The following NXPH2 variants were observed in gnomAD, a reference collection of about 807,000 sequenced individuals.
NXPH2 encodes neurexophilin 2, also known as neurexophilin-2.
A neutral mutation model predicts 19.8 loss-of-function variants in NXPH2; 5 were observed. That is an observed-to-expected ratio of 0.25 (90% confidence interval 0.13 to 0.53). NXPH2 has a LOEUF of 0.53. NXPH2 is among the 20% of genes least tolerant of loss of function. NXPH2 has a pLI of 0.96. For synonymous variants in NXPH2, 154 were observed against 127.4 expected, an observed-to-expected ratio of 1.21 and a Z score of -1.41; for missense variants, 289 against 322.8, an observed-to-expected ratio of 0.90 and a Z score of 0.80.
intron 1 of NXPH2, among the ~76,000 whole-genome samples, chr2:138,676,012 T>TA (rs796280114): frequency 5.3e-5 from 8 of 152,112 alleles, no homozygotes; most frequent in African/African-American, 1.9e-4. Flanking sequence ...CACTTTTTTT[T>TA]AAAATTTGGC....
intron 1 of NXPH2, among the ~76,000 whole-genome samples, chr2:138,687,168 A>G (rs984383460): frequency 1.2e-4 from 18 of 152,226 alleles, no homozygotes; most frequent in African/African-American, 4.3e-4. Context: ...CAGTCCCACC[A>G]ACAGTGTAAA....
At chr2:138,698,829 G>A (rs1680873269) in intron 1 of NXPH2, among the ~76,000 whole-genome samples, 1 of 152,152 alleles carries the variant, frequency 6.6e-6, no homozygotes, top group African/African-American at 2.4e-5. Flanking sequence ...ACTCCAGCCT[G>A]GGAGACAAAG....
chr2:138,756,705 T>C (rs1681915376), intron 1 of NXPH2, among the ~76,000 whole-genome samples: 1 of 152,150 alleles, frequency 6.6e-6, no homozygotes, highest in African/African-American at 2.4e-5. Context: ...ATAGCAACTC[T>C]ATTGGCAGAA....
intron 1 of NXPH2, among the ~76,000 whole-genome samples, chr2:138,744,640 G>A (rs1278038420): frequency 6.6e-6 from 1 of 152,112 alleles, no homozygotes; most frequent in Non-Finnish European, 1.5e-5. Flanking sequence ...GGTGCTCCAA[G>A]CCTTCTTCCT....
chr2:138,728,732 T>C (rs1025929677), intron 1 of NXPH2, among the ~76,000 whole-genome samples: 5 of 152,182 alleles, frequency 3.3e-5, no homozygotes, highest in African/African-American at 1.2e-4. Flanking sequence ...TGATAAAAAG[T>C]TTGACATTAT....
chr2:138,685,932 T>C (rs1248980413), intron 1 of NXPH2, among the ~76,000 whole-genome samples: 1 of 152,198 alleles, frequency 6.6e-6, no homozygotes, highest in Non-Finnish European at 1.5e-5. Flanking sequence ...TCCTCTTGTA[T>C]ATTCCTTGAT....
chr2:138,694,878 T>A (rs115188804), intron 1 of NXPH2, among the ~76,000 whole-genome samples: 3,176 of 152,268 alleles, frequency 0.021, 50 homozygotes, highest in Non-Finnish European at 0.033. Context: ...CTATTGCAAG[T>A]GTTTGGAGCA....
intron 1 of NXPH2, among the ~76,000 whole-genome samples, chr2:138,732,129 T>G (rs1681462164): frequency 6.6e-6 from 1 of 152,214 alleles, no homozygotes; most frequent in South Asian, 2.1e-4. Flanking sequence ...AAATCCACAG[T>G]ATGTCAAGTT....
At chr2:138,671,799 C>A (rs1680421455) in intron 1 of NXPH2, 134 bp from the exon 2 acceptor site, 3 of 867,348 alleles carry the variant, frequency 3.5e-6, no homozygotes, top group South Asian at 4.3e-5. Context: ...ACACACACAG[C>A]CGGGCTCAAC....
intron 1 of NXPH2, among the ~76,000 whole-genome samples, chr2:138,740,088 A>G (rs1205229824): frequency 1.3e-5 from 2 of 152,150 alleles, no homozygotes; most frequent in Non-Finnish European, 2.9e-5. Context: ...AGACACACGC[A>G]GACTGGCCCA....
chr2:138,721,267 G>A (rs1681275066), intron 1 of NXPH2, among the ~76,000 whole-genome samples: 2 of 151,970 alleles, frequency 1.3e-5, no homozygotes, highest in Middle Eastern at 3.2e-3. Context: ...CTTGAACCCG[G>A]GAAGTGGAGG....
rs1429001393 is a variant in NXPH2 at position 138,696,903 on chromosome 2, T to G, written c.52-25238A>C. The stretch of plus-strand genomic sequence containing the variant: ...GATAATTAAATAATGGATAATCAAA[T>G]AGAAACTAATGGATAATTAAATTGA... On this transcript the variant is annotated intron_variant, in intron 1 of 1. Transcript: ENST00000272641. Among the ~76,000 whole-genome samples the G allele has an allele frequency of 2.0e-5, 3 of 152,152 alleles. No homozygotes were observed. In the East Asian group the frequency reaches 5.8e-4, roughly 29 times the overall value.
At chr2:138,680,996 C>T (rs2104969271) in intron 1 of NXPH2, among the ~76,000 whole-genome samples, 1 of 152,288 alleles carries the variant, frequency 6.6e-6, no homozygotes, top group Non-Finnish European at 1.5e-5. Flanking sequence ...CTTGCAGCTA[C>T]CAGCTACAGA....
chr2:138,737,220 A>G (rs1681563573), intron 1 of NXPH2, among the ~76,000 whole-genome samples: 1 of 152,192 alleles, frequency 6.6e-6, no homozygotes, highest in African/African-American at 2.4e-5. Context: ...GCTGATAAAG[A>G]CATATCCAAG....
At chr2:138,673,847 A>G (rs1275459274) in intron 1 of NXPH2, among the ~76,000 whole-genome samples, 1 of 151,368 alleles carries the variant, frequency 6.6e-6, no homozygotes, top group Admixed American at 6.6e-5. Flanking sequence ...CCCCCACCCC[A>G]CCCTCAAATG....
chr2:138,760,917 T>C (rs1284836853), intron 1 of NXPH2, among the ~76,000 whole-genome samples: 3 of 152,060 alleles, frequency 2.0e-5, no homozygotes, highest in Non-Finnish European at 1.5e-5. Context: ...CAACTCCAGA[T>C]AGAAAGTGAG....
chr2:138,732,436 G>A (rs1251383298), intron 1 of NXPH2, among the ~76,000 whole-genome samples: 1 of 152,192 alleles, frequency 6.6e-6, no homozygotes, highest in African/African-American at 2.4e-5. Context: ...TGATGTGTGA[G>A]ATTGCGAAGG....
At position 138,762,969 on chromosome 2, in the gene NXPH2, C is replaced by T. The variant is rs59089599; in HGVS notation, c.51+17222G>A. On this transcript the variant is annotated intron_variant, in intron 1 of 1. Transcript: ENST00000272641. ...CTTTCATATACAGGAGAGCGTATTA[C>T]GAATAAGTTACAGTGCTTATAAGCA... 1.0e-2 allele frequency among the ~76,000 whole-genome samples: 1,521 copies of T among 152,246 alleles called. 60 individuals are homozygous for T. In the East Asian group the frequency reaches 0.11, roughly 11 times the overall value.
At chr2:138,675,523 G>A (rs1319781729) in intron 1 of NXPH2, among the ~76,000 whole-genome samples, 2 of 151,784 alleles carry the variant, frequency 1.3e-5, no homozygotes, top group Non-Finnish European at 2.9e-5. Flanking sequence ...AATAATAATA[G>A]TAATAATAAT....
Sources: gnomAD v4.1 joint callset for allele counts (sites outside exome capture counted in the v4.1 genomes callset) on GRCh38, gnomAD v4.1.1 for gene constraint, MANE v1.5 for transcripts, NCBI Gene and HGNC (gene_info 2026-07-23, HGNC 2026-07-21) for gene names.